Variants in GFOD1 observed in about 807,000 individuals in gnomAD.
GFOD1 encodes glucose-fructose oxidoreductase domain-containing protein 1.
A neutral mutation model predicts 25.4 loss-of-function variants in GFOD1; 9 were observed. That is an observed-to-expected ratio of 0.35 (90% CI 0.21 to 0.62). GFOD1 has a LOEUF of 0.62. Among genes scored for constraint, GFOD1 ranks in the 20% least tolerant of loss-of-function variants. The pLI is 0.72. For missense variants in GFOD1, 403 were observed against 556.9 expected (o/e 0.72, Z 2.78); for synonymous variants, 253 against 245.6 (o/e 1.03, Z -0.28).
chr6:13,485,739 G>A (rs1315278481), intron 1 of GFOD1, among the ~76,000 whole-genome samples: 1 of 152,184 alleles, frequency 6.6e-6, no homozygotes, highest in East Asian at 1.9e-4. Context: ...CAGCCCACGG[G>A]TCAACACTGT....
At chr6:13,401,462 C>A (rs1219400943) in intron 1 of GFOD1, among the ~76,000 whole-genome samples, 15 of 151,950 alleles carry the variant, frequency 9.9e-5, no homozygotes. Context: ...GAGATGCTAG[C>A]TATGGTATTT....
intron 1 of GFOD1, among the ~76,000 whole-genome samples, chr6:13,473,803 C>T (rs1758558158): frequency 6.6e-6 from 1 of 152,164 alleles, no homozygotes; most frequent in South Asian, 2.1e-4. Context: ...ACCCTTCCAG[C>T]TCTCAGGAAT....
At chr6:13,368,544 T>A (rs2127555303) in intron 1 of GFOD1, among the ~76,000 whole-genome samples, 3 of 152,196 alleles carry the variant, frequency 2.0e-5, no homozygotes, top group Admixed American at 2.0e-4. Context: ...CAGGGACAGG[T>A]GATAAATACT....
At chr6:13,454,212 C>T (rs1050785667) in intron 1 of GFOD1, among the ~76,000 whole-genome samples, 1 of 152,210 alleles carries the variant, frequency 6.6e-6, no homozygotes, top group African/African-American at 2.4e-5. Flanking sequence ...GACTCCCTCA[C>T]AGCCCTCAGA....
At chr6:13,415,504 G>A (rs487847) in intron 1 of GFOD1, among the ~76,000 whole-genome samples, 144,367 of 152,234 alleles carry the variant, frequency 0.95, 68,946 homozygotes, top group East Asian at 1. Context: ...TACTGGGCAC[G>A]GTCCAGACCT....
intron 1 of GFOD1, among the ~76,000 whole-genome samples, chr6:13,450,040 T>A (rs1758068118): frequency 6.6e-6 from 1 of 152,228 alleles, no homozygotes; most frequent in Admixed American, 6.5e-5. Context: ...CGAAGAACGC[T>A]GCCAGAGCTG....
intron 1 of GFOD1, chr6:13,470,577 T>A (rs1440217550): frequency 6.6e-7 from 1 of 1,514,472 alleles, no homozygotes; most frequent in East Asian, 2.5e-5. Context: ...CGTGGCATTT[T>A]TTTTTCCCCA....
At chr6:13,432,923 C>G (rs1390890008) in intron 1 of GFOD1, among the ~76,000 whole-genome samples, 1 of 152,216 alleles carries the variant, frequency 6.6e-6, no homozygotes, top group Non-Finnish European at 1.5e-5. Flanking sequence ...TTGCCCCAAA[C>G]CAGCTTCCTC....
At chr6:13,422,418 G>C (rs1786276060) in intron 1 of GFOD1, among the ~76,000 whole-genome samples, 2 of 152,188 alleles carry the variant, frequency 1.3e-5, no homozygotes, top group African/African-American at 2.4e-5. Context: ...GTGACACTTA[G>C]TGTCCCCAAG....
At chr6:13,434,145 G>A (rs974518598) in intron 1 of GFOD1, among the ~76,000 whole-genome samples, 4 of 151,164 alleles carry the variant, frequency 2.6e-5, no homozygotes, top group African/African-American at 9.7e-5. Context: ...CAAGGCATTA[G>A]GGGAATATAG....
intron 1 of GFOD1, among the ~76,000 whole-genome samples, chr6:13,382,761 A>C (rs200354709): frequency 1.3e-5 from 2 of 152,194 alleles, no homozygotes; most frequent in East Asian, 3.8e-4. Flanking sequence ...CTATCAACTC[A>C]TCGCCTAGGT....
intron 1 of GFOD1, among the ~76,000 whole-genome samples, chr6:13,411,725 G>C (rs1157185885): frequency 6.6e-6 from 1 of 152,214 alleles, no homozygotes; most frequent in Non-Finnish European, 1.5e-5. Flanking sequence ...GTCTGTGATA[G>C]GAGCCAGTCA....
At chr6:13,486,128 G>C (rs1481532543) in intron 1 of GFOD1, 1 of 987,380 alleles carries the variant, frequency 1.0e-6, no homozygotes, top group Non-Finnish European at 1.2e-6. Context: ...CTGAAGGGCA[G>C]GTCCTCTATC....
intron 1 of GFOD1, among the ~76,000 whole-genome samples, chr6:13,418,720 AGCTGTCTGGGACTCAT>A (rs1285390656): frequency 1.3e-5 from 2 of 152,188 alleles, no homozygotes; most frequent in Non-Finnish European, 2.9e-5. Flanking sequence ...TTAGAAATCA[AGCTGTCTGGGACTCAT>A]GCTGAAGATA....
At chr6:13,470,559 C>G (rs979807203) in intron 1 of GFOD1, 1 of 1,538,188 alleles carries the variant, frequency 6.5e-7, no homozygotes, top group African/African-American at 1.4e-5. Flanking sequence ...CTCAGCTGAA[C>G]AGAACCACGT....
intron 1 of GFOD1, among the ~76,000 whole-genome samples, chr6:13,404,468 G>A (rs1213111748): frequency 2.6e-5 from 4 of 152,196 alleles, no homozygotes; most frequent in African/African-American, 9.7e-5. Context: ...TGTGAAACAC[G>A]TGAGCCTGAA....
In GFOD1 at chr6:13,487,212, G is replaced by A; in HGVS notation, c.-322C>T. ...GAGCCCCGGCTCAGGCTGCGCTCCC[G>A]CGGCAGCGCCAGTCCGCTGCGTGCG... On this transcript the variant is annotated 5_prime_UTR_variant, in exon 1 of 2. Coordinates refer to ENST00000379287, the MANE Select transcript of GFOD1 (RefSeq NM_018988.4). The surrounding 1 kb of genome is among the most constrained non-coding windows in gnomAD (Gnocchi z 4.9). The A allele has an allele frequency of 3.5e-6, 1 of 281,826 alleles. No individual in the cohort carries two copies. Among genetic ancestry groups the A allele is most frequent in the Non-Finnish European group, 6.6e-6 (1 of 152,392 alleles). The allele number at this position is 281,826 out of a possible 1,614,324, so 17.5% of individuals were successfully genotyped here. A position where few individuals can be genotyped will look rare whatever the true frequency, so the allele number is the denominator to read the frequency against.
intron 1 of GFOD1, among the ~76,000 whole-genome samples, chr6:13,455,716 C>T (rs977111114): frequency 6.6e-6 from 1 of 152,182 alleles, no homozygotes; most frequent in African/African-American, 2.4e-5. Flanking sequence ...ACACAAAGAG[C>T]TCTATTAGAT....
intron 1 of GFOD1, among the ~76,000 whole-genome samples, chr6:13,381,933 A>ATG (rs1785373643): frequency 1.4e-5 from 2 of 143,998 alleles, no homozygotes; most frequent in South Asian, 2.1e-4. Context: ...ACACACACAC[A>ATG]CACACACACA....
Sources: allele counts gnomAD v4.1 joint callset (sites outside exome capture counted in the v4.1 genomes callset), GRCh38; gene constraint gnomAD v4.1.1; non-coding constraint Gnocchi (gnomAD v3.1); transcripts MANE v1.5; gene names NCBI Gene and HGNC (gene_info 2026-07-23, HGNC 2026-07-21).